Variants in C2CD3 observed in about 807,000 individuals in gnomAD.
The protein encoded by C2CD3 is C2 domain containing 3 centriole elongation regulator, also known as C2 domain-containing protein 3.
Under a neutral mutation model 234.0 loss-of-function variants are expected in C2CD3, and 148 were observed. That is an observed-to-expected ratio of 0.63 (90% CI 0.55 to 0.72). The LOEUF is 0.72. Among genes scored for constraint, C2CD3 ranks in the 30% least tolerant of loss-of-function variants. C2CD3 has a pLI of 0.00. For missense variants in C2CD3, 2,577 were observed against 2,811.5 expected, an observed-to-expected ratio of 0.92 and a Z score of 1.89; for synonymous variants, 1,000 against 1,035.4, an observed-to-expected ratio of 0.97 and a Z score of 0.66.
chr11:74,133,111 A>T (rs1317846823), intron 6 of C2CD3, 139 bp from the exon 7 acceptor site: 1 of 791,886 alleles, frequency 1.3e-6, no homozygotes, highest in Non-Finnish European at 2.0e-6. Flanking sequence ...ATAAAACTTT[A>T]CACTTTGCAA....
intron 2 of C2CD3, among the ~76,000 whole-genome samples, chr11:74,162,336 T>C (rs1393731981): frequency 6.6e-6 from 1 of 152,166 alleles, no homozygotes; most frequent in Non-Finnish European, 1.5e-5. Context: ...AAAGAAATTA[T>C]GCAAAGAGCT....
chr11:74,149,045 A>G (rs996825049), intron 3 of C2CD3, among the ~76,000 whole-genome samples: 3 of 152,292 alleles, frequency 2.0e-5, no homozygotes, highest in East Asian at 3.9e-4. Context: ...TTCAATTTCT[A>G]TACCTGATTC....
rs148217159 is a variant in C2CD3 at position 74,049,392 on chromosome 11, A to G, written c.5306T>C (p.Ile1769Thr). 21 of 1,613,988 alleles carry G rather than the reference A, an allele frequency of 1.3e-5. No homozygotes were observed. Among genetic ancestry groups the G allele is most frequent in the Non-Finnish European group, 1.8e-5 (21 of 1,179,978 alleles). Residue 1769 changes from isoleucine (I) to threonine (T), a missense_variant, in exon 27 of 33, where the codon ATA becomes ACA. Transcript: ENST00000334126. ...KVAVSPLESL[I>T]HFKEERQARR... is the part of the protein sequence containing the mutation. ...TGCTTGCCTTTCTTCTTTGAAGTGT[A>G]TCAAACTCTCCAAAGGGGAGACAGC...
intron 7 of C2CD3, chr11:74,128,961 A>G (rs905858703): frequency 1.1e-4 from 31 of 283,926 alleles, no homozygotes; most frequent in African/African-American, 3.0e-4. Context: ...ACACAGACAC[A>G]GCAACCATCC....
chr11:74,160,526 G>C (rs1200181904), intron 3 of C2CD3, among the ~76,000 whole-genome samples: 1 of 152,070 alleles, frequency 6.6e-6, no homozygotes, highest in Admixed American at 6.6e-5. Flanking sequence ...CACTCAGATA[G>C]AATCTAAAGA....
At position 74,078,115 on chromosome 11, in the gene C2CD3, CACT is replaced by C; in HGVS notation, c.4600_4602del (p.Ser1534del). ...GAGTTGAATCAGGCTCCTCACTTAC[CACT>C]GACAGTTAGCGTCCTCGCTGACCTC... On this transcript the variant is annotated inframe_deletion and splice_region_variant, in exon 23 of 33. Coordinates refer to ENST00000334126, the MANE Select transcript of C2CD3 (RefSeq NM_001286577.2). The C allele has an allele frequency of 6.2e-7, 1 of 1,611,302 alleles. No homozygotes were observed.
chr11:74,025,926 A>G (rs1279449137), intron 32 of C2CD3, among the ~76,000 whole-genome samples: 4 of 152,154 alleles, frequency 2.6e-5, no homozygotes, highest in Non-Finnish European at 2.9e-5. Context: ...ACACAGCCCT[A>G]TGACCCCAGC....
chr11:74,080,226 T>C (rs115821125), intron 22 of C2CD3, among the ~76,000 whole-genome samples: 2 of 152,226 alleles, frequency 1.3e-5, no homozygotes, highest in Non-Finnish European at 2.9e-5. Flanking sequence ...TTTAGGCTTA[T>C]TGAGATTAAT....
intron 4 of C2CD3, 99 bp from the exon 5 acceptor site, chr11:74,139,066 G>C: frequency 9.6e-7 from 1 of 1,036,956 alleles, no homozygotes; most frequent in Non-Finnish European, 1.4e-6. Flanking sequence ...TTTTGGCAAG[G>C]TAGTTTGGAC....
chr11:74,169,104 C>T (rs1856987148), intron 1 of C2CD3, among the ~76,000 whole-genome samples: 1 of 152,306 alleles, frequency 6.6e-6, no homozygotes, highest in African/African-American at 2.4e-5. Flanking sequence ...ACTCCCTTCA[C>T]TCACAAACGA....
In C2CD3 at chr11:74,078,653, G is replaced by A. The variant is rs532923558; in HGVS notation, c.4065C>T (p.Leu1355=). 2.3e-5 allele frequency: 37 copies of A among 1,614,024 alleles called. No individual in the cohort carries two copies. The highest frequency in any genetic ancestry group is 3.1e-5 in the Non-Finnish European group (37 of 1,180,006). The change falls in exon 23 of 33, where the codon CTC becomes CTT. Residue 1355 remains leucine (L), a synonymous_variant. Coordinates refer to ENST00000334126, the MANE Select transcript of C2CD3 (RefSeq NM_001286577.2). The part of the protein sequence containing the change: ...EDGGLPHGLE[L]MQKIVGGLEL... ...CCAGACCACCCACGATCTTCTGCATGAGCTCCAGGCCATGAGGTAGGCCCC... is the reference window on the plus strand; with the variant it reads ...CCAGACCACCCACGATCTTCTGCATAAGCTCCAGGCCATGAGGTAGGCCCC...
Position 74,043,025 on chromosome 11 carries a change from A to G in C2CD3, c.5496-807T>C, listed in dbSNP as rs77236770. Among the ~76,000 whole-genome samples the G allele has an allele frequency of 4.7e-3, 715 of 152,322 alleles. 3 individuals carry two copies. Among genetic ancestry groups the G allele is most frequent in the African/African-American group, 0.017 (691 of 41,562 alleles). Reference sequence around the variant, plus strand: ...TGAGATATAATTCACATGCCATACAATTCACCTATTTAAAGTGTATTATTC... The same window carrying G: ...TGAGATATAATTCACATGCCATACAGTTCACCTATTTAAAGTGTATTATTC... On this transcript the variant is annotated intron_variant, in intron 28 of 32. Transcript: ENST00000334126.
chr11:74,082,781 G>A (rs1414205787), intron 22 of C2CD3, among the ~76,000 whole-genome samples: 1 of 152,102 alleles, frequency 6.6e-6, no homozygotes, highest in African/African-American at 2.4e-5. Flanking sequence ...ACTGCTTAAC[G>A]AAATAAAAGA....
chr11:74,089,404 A>G (rs554916112), intron 20 of C2CD3, among the ~76,000 whole-genome samples: 1 of 152,348 alleles, frequency 6.6e-6, no homozygotes, highest in Admixed American at 6.5e-5. Context: ...CACCTTCACT[A>G]ACACTAAGAT....
chr11:74,078,238 C>G lies in C2CD3; in HGVS notation c.4480G>C (p.Val1494Leu). 6.2e-7 allele frequency: 1 copy of G among 1,614,154 alleles called. No individual in the cohort carries two copies. The highest frequency in any genetic ancestry group is 8.5e-7 in the Non-Finnish European group (1 of 1,180,024). Reference sequence around the variant, plus strand: ...CTGTCATTGCCATAAGCTCGCCACACTTGGATCTCTAGCCTCTCCTCCCTG... The same window carrying G: ...CTGTCATTGCCATAAGCTCGCCACAGTTGGATCTCTAGCCTCTCCTCCCTG... ...YFREERLEIQ[V>L]WRAYGNDSVE... Residue 1494 changes from valine (V) to leucine (L), a missense_variant, in exon 23 of 33, where the codon GTG becomes CTG. Physicochemically the swap from Val to Leu is conservative, Grantham distance 32 (BLOSUM62 1). Transcript: ENST00000334126.
At chr11:74,055,067 A>G (rs771952536) in intron 25 of C2CD3, among the ~76,000 whole-genome samples, 1 of 152,206 alleles carries the variant, frequency 6.6e-6, no homozygotes, top group East Asian at 1.9e-4. Context: ...AAGAACATTT[A>G]CTGAGTGCCT....
chr11:74,105,471 A>T (rs2135499290), intron 13 of C2CD3, among the ~76,000 whole-genome samples: 4 of 152,142 alleles, frequency 2.6e-5, no homozygotes, highest in Middle Eastern at 6.8e-3. Flanking sequence ...TGGTTTAGCC[A>T]TGTTGCCCAG....
chr11:74,041,913 G>T, intron 29 of C2CD3, 141 bp downstream of exon 29: 2 of 763,548 alleles, frequency 2.6e-6, no homozygotes, highest in Non-Finnish European at 4.2e-6. Flanking sequence ...GGTCCAACCT[G>T]ATACTAACAT....
At chr11:74,047,424 A>G (rs1323927823) in intron 28 of C2CD3, among the ~76,000 whole-genome samples, 1 of 152,232 alleles carries the variant, frequency 6.6e-6, no homozygotes, top group Non-Finnish European at 1.5e-5. Flanking sequence ...TATAAAAGAG[A>G]TAACAAAGGA....
Sources: allele counts gnomAD v4.1 joint callset (sites outside exome capture counted in the v4.1 genomes callset), GRCh38; gene constraint gnomAD v4.1.1; transcripts MANE v1.5; gene names NCBI Gene and HGNC (gene_info 2026-07-23, HGNC 2026-07-21).